Variants in ENTREP2 observed in about 807,000 individuals in gnomAD.
The protein encoded by ENTREP2 is endosomal transmembrane epsin interactor 2.
At chr15:29,364,753 A>C in the ENTREP2 span, among the ~76,000 whole-genome samples, 1 of 152,124 alleles carries the variant, frequency 6.6e-6, no homozygotes, top group African/African-American at 2.4e-5. Context: ...AAATTTTTTT[A>C]GTTGACTTTA....
chr15:29,146,612 A>G, the ENTREP2 span, among the ~76,000 whole-genome samples: 2 of 152,204 alleles, frequency 1.3e-5, no homozygotes, highest in South Asian at 4.2e-4. Context: ...TACCTCACAC[A>G]GTGTATAACA....
the ENTREP2 span, among the ~76,000 whole-genome samples, chr15:29,304,704 T>G: frequency 2.0e-4 from 30 of 152,292 alleles, no homozygotes; most frequent in African/African-American, 7.0e-4. Context: ...TTAGATTGAC[T>G]TACAAGGCCC....
At chr15:29,544,493 T>G in the ENTREP2 span, among the ~76,000 whole-genome samples, 7 of 152,208 alleles carry the variant, frequency 4.6e-5, no homozygotes, top group African/African-American at 9.7e-5. Flanking sequence ...ATGGTAAATT[T>G]TATACATGTA....
the ENTREP2 span, chr15:29,234,971 G>A: frequency 6.8e-7 from 1 of 1,472,488 alleles, no homozygotes. Flanking sequence ...CCAACAGATT[G>A]TATTAACACA....
At chr15:29,128,755 A>G in the ENTREP2 span, 1 of 1,490,474 alleles carries the variant, frequency 6.7e-7, no homozygotes, top group Admixed American at 2.0e-5. Flanking sequence ...AAACAGGAAC[A>G]CCCCACTTCA....
chr15:29,541,893 GTCTT>G, the ENTREP2 span, among the ~76,000 whole-genome samples: 3 of 152,188 alleles, frequency 2.0e-5, no homozygotes, highest in African/African-American at 7.2e-5. Flanking sequence ...AGCGTAACAG[GTCTT>G]TCTTCTTCCA....
At chr15:29,635,441 G>A in the ENTREP2 span, among the ~76,000 whole-genome samples, 7 of 152,262 alleles carry the variant, frequency 4.6e-5, no homozygotes, top group East Asian at 1.9e-4. Flanking sequence ...ACCCAGCCTC[G>A]TCCATAGTGT....
the ENTREP2 span, among the ~76,000 whole-genome samples, chr15:29,527,853 C>G: frequency 6.6e-6 from 1 of 152,134 alleles, no homozygotes; most frequent in African/African-American, 2.4e-5. Flanking sequence ...CTTCAGCGGA[C>G]CCCTCTGATT....
the ENTREP2 span, among the ~76,000 whole-genome samples, chr15:29,549,252 C>G: frequency 6.6e-6 from 1 of 151,276 alleles, no homozygotes; most frequent in African/African-American, 2.4e-5. Context: ...CGATTAAAAT[C>G]TGCAAAACTA....
chr15:29,440,111 T>C, the ENTREP2 span, among the ~76,000 whole-genome samples: 1 of 152,120 alleles, frequency 6.6e-6, no homozygotes, highest in Non-Finnish European at 1.5e-5. Flanking sequence ...AAACTGAGAT[T>C]AGAGGAGATT....
At chr15:29,202,617 C>G in the ENTREP2 span, among the ~76,000 whole-genome samples, 1 of 152,100 alleles carries the variant, frequency 6.6e-6, no homozygotes, top group South Asian at 2.1e-4. Flanking sequence ...GGTATTTGTC[C>G]TAATGTTCTC....
At chr15:29,666,607 T>C in the ENTREP2 span, among the ~76,000 whole-genome samples, 1 of 152,164 alleles carries the variant, frequency 6.6e-6, no homozygotes, top group Non-Finnish European at 1.5e-5. Context: ...AAATCTGAAG[T>C]CCTCACCGTG....
At chr15:29,648,951 C>CA in the ENTREP2 span, among the ~76,000 whole-genome samples, 2 of 150,000 alleles carry the variant, frequency 1.3e-5, no homozygotes, top group African/African-American at 4.9e-5. Flanking sequence ...AAAAAAACAA[C>CA]AACAAAAAAA....
the ENTREP2 span, among the ~76,000 whole-genome samples, chr15:29,250,705 T>C: frequency 6.6e-6 from 1 of 152,100 alleles, no homozygotes; most frequent in South Asian, 2.1e-4. Flanking sequence ...CAGTTCCTTG[T>C]AGGTCACCAG....
chr15:29,612,765 G>T, the ENTREP2 span: 2,446 of 176,594 alleles, frequency 0.014, 24 homozygotes, highest in Non-Finnish European at 0.022. Context: ...CTATCCTGGT[G>T]GATCCAGAAC....
chr15:29,350,465 G>A, the ENTREP2 span, among the ~76,000 whole-genome samples: 133 of 151,832 alleles, frequency 8.8e-4, no homozygotes, highest in African/African-American at 2.8e-3. Flanking sequence ...TATCCATTTC[G>A]TTACTTTTCC....
the ENTREP2 span, among the ~76,000 whole-genome samples, chr15:29,414,676 A>AC: frequency 6.6e-6 from 1 of 152,102 alleles, no homozygotes; most frequent in African/African-American, 2.4e-5. Context: ...AGATAGAGAC[A>AC]CAAAAACCCT....
chr15:29,564,046 T>C, the ENTREP2 span, among the ~76,000 whole-genome samples: 1 of 152,186 alleles, frequency 6.6e-6, no homozygotes, highest in African/African-American at 2.4e-5. Flanking sequence ...ATTCCTTTTT[T>C]GTTGTCCATG....
chr15:29,610,746 CCT>C, the ENTREP2 span: 2 of 150,302 alleles, frequency 1.3e-5, no homozygotes, highest in Non-Finnish European at 3.0e-5. Flanking sequence ...CTCTGGACAA[CCT>C]CTACAAAGAG....
Sources: gnomAD v4.1 joint callset for allele counts (sites outside exome capture counted in the v4.1 genomes callset) on GRCh38, gnomAD v4.1.1 for gene constraint, MANE v1.5 for transcripts, NCBI Gene and HGNC (gene_info 2026-07-23, HGNC 2026-07-21) for gene names.